Variants in LRRC8D observed in about 807,000 individuals in gnomAD.
LRRC8D encodes the protein leucine rich repeat containing 8 VRAC subunit D.
Under a neutral mutation model 55.8 loss-of-function variants are expected in LRRC8D, and 20 were observed. The observed-to-expected ratio is 0.36, with a 90% CI of 0.25 to 0.52. LRRC8D has a LOEUF of 0.52. Ranked by LOEUF, LRRC8D falls within the 20% of genes least tolerant of loss-of-function variation. The probability of loss-of-function intolerance (pLI) is 0.93; values close to 1 mark genes in which losing one functional copy is unlikely to be tolerated. For missense variants in LRRC8D, 651 were observed against 1,030.8 expected, an observed-to-expected ratio of 0.63 and a Z score of 5.05; for synonymous variants, 352 against 377.0, an observed-to-expected ratio of 0.93 and a Z score of 0.77.
intron 2 of LRRC8D, among the ~76,000 whole-genome samples, chr1:89,864,264 T>C (rs1229707673): frequency 6.6e-6 from 1 of 152,052 alleles, no homozygotes; most frequent in East Asian, 1.9e-4. Context: ...TTTTTTGTTT[T>C]GAAAAAACTG....
chr1:89,843,359 C>G (rs1308503935), intron 1 of LRRC8D: 6 of 267,152 alleles, frequency 2.2e-5, no homozygotes, highest in South Asian at 1.6e-4. Flanking sequence ...ACCCGAGCAG[C>G]AGCTGCAAAC....
intron 1 of LRRC8D, among the ~76,000 whole-genome samples, chr1:89,842,542 A>C (rs10922733): frequency 0.62 from 94,327 of 152,116 alleles, 29,307 homozygotes; most frequent in South Asian, 0.72. Context: ...TGTTTGTATT[A>C]CATTCTCCAT....
chr1:89,933,120 C>G lies in LRRC8D; in HGVS notation c.52C>G (p.Arg18Gly). The change falls in exon 3 of 3, where the codon CGA (arginine) becomes GGA (glycine). Residue 18 changes from arginine to glycine, a missense_variant. Coordinates refer to ENST00000337338, the MANE Select transcript of LRRC8D (RefSeq NM_001134479.2). The surrounding 1 kb of genome is among the most constrained non-coding windows in gnomAD (Gnocchi z 7.0). The part of the protein sequence containing the change: ...ASLNDIQPTY[R>G]ILKPWWDVFM... The stretch of plus-strand genomic sequence containing the variant: ...ACTTAATGACATTCAGCCAACTTAC[C>G]GAATCCTGAAACCATGGTGGGATGT... 3.1e-6 allele frequency: 5 copies of G among 1,613,266 alleles called. No individual in the cohort carries two copies. Among genetic ancestry groups the G allele is most frequent in the Non-Finnish European group, 4.2e-6 (5 of 1,179,322 alleles).
Position 89,933,088 on chromosome 1 carries a change from T to C in LRRC8D, c.20T>C (p.Val7Ala). ...CTAGGAATGTTTACCCTTGCGGAAG[T>C]TGCATCACTTAATGACATTCAGCCA... MFTLAE[V>A]ASLNDIQPTY... Residue 7 changes from valine (V) to alanine (A), a missense_variant, in exon 3 of 3, where the codon GTT becomes GCT. Val to Ala is a moderately conservative substitution (Grantham distance 64, BLOSUM62 0). Coordinates refer to ENST00000337338, the MANE Select transcript of LRRC8D (RefSeq NM_001134479.2). The surrounding 1 kb of genome is among the most constrained non-coding windows in gnomAD (Gnocchi z 7.0). The C allele has an allele frequency of 6.2e-7, 1 of 1,607,566 alleles. No individual in the cohort carries two copies. The highest frequency in any genetic ancestry group is 1.1e-5 in the South Asian group (1 of 90,946).
At chr1:89,895,078 C>T (rs1439112348) in intron 2 of LRRC8D, among the ~76,000 whole-genome samples, 1 of 148,316 alleles carries the variant, frequency 6.7e-6, no homozygotes, top group African/African-American at 2.5e-5. Flanking sequence ...TTAACTGACT[C>T]CTGTACTTGC....
At chr1:89,895,988 C>T (rs1317604794) in intron 2 of LRRC8D, among the ~76,000 whole-genome samples, 1 of 152,158 alleles carries the variant, frequency 6.6e-6, no homozygotes, top group Non-Finnish European at 1.5e-5. Context: ...GACAGGCAAG[C>T]GTTAGAACCT....
chr1:89,836,646 C>T (rs1661010877), intron 1 of LRRC8D, among the ~76,000 whole-genome samples: 1 of 152,202 alleles, frequency 6.6e-6, no homozygotes, highest in South Asian at 2.1e-4. Flanking sequence ...GAAGTCTTAA[C>T]ATTTTAAACA....
chr1:89,825,739 G>A (rs893285937), intron 1 of LRRC8D, among the ~76,000 whole-genome samples: 1 of 152,154 alleles, frequency 6.6e-6, no homozygotes, highest in Non-Finnish European at 1.5e-5. Context: ...AAGACATTAG[G>A]AAATTACCAT....
chr1:89,927,972 G>A (rs927043550), intron 2 of LRRC8D, among the ~76,000 whole-genome samples: 4 of 152,206 alleles, frequency 2.6e-5, no homozygotes, highest in African/African-American at 9.7e-5. Context: ...TTCTTCAAGG[G>A]TGAGAGTAGG....
At chr1:89,926,449 T>G (rs1663567884) in intron 2 of LRRC8D, among the ~76,000 whole-genome samples, 1 of 152,246 alleles carries the variant, frequency 6.6e-6, no homozygotes, top group South Asian at 2.1e-4. Flanking sequence ...GTAGCTTTCT[T>G]GAATTCCTAG....
intron 2 of LRRC8D, among the ~76,000 whole-genome samples, chr1:89,932,806 AGTAACCACTATG>A (rs1663746532): frequency 6.6e-6 from 1 of 152,210 alleles, no homozygotes; most frequent in Non-Finnish European, 1.5e-5. Context: ...AGGTCCACTA[AGTAACCACTATG>A]GACTTGGTGC....
intron 2 of LRRC8D, among the ~76,000 whole-genome samples, chr1:89,883,382 G>C (rs1662332800): frequency 6.6e-6 from 1 of 152,162 alleles, no homozygotes; most frequent in Non-Finnish European, 1.5e-5. Flanking sequence ...GATTAAAATA[G>C]GATTTTATTT....
intron 2 of LRRC8D, among the ~76,000 whole-genome samples, chr1:89,845,998 C>T (rs1215945321): frequency 6.6e-6 from 1 of 152,134 alleles, no homozygotes; most frequent in African/African-American, 2.4e-5. Context: ...TCAGACTGGT[C>T]TAGAACTCCT....
At chr1:89,842,968 G>A (rs997282008) in intron 1 of LRRC8D, 2 of 152,038 alleles carry the variant, frequency 1.3e-5, no homozygotes, top group Non-Finnish European at 2.9e-5. Context: ...AGGAGGAACC[G>A]AGGATACTAT....
chr1:89,846,342 A>G (rs889112022), intron 2 of LRRC8D, among the ~76,000 whole-genome samples: 2 of 150,450 alleles, frequency 1.3e-5, no homozygotes, highest in African/African-American at 4.9e-5. Context: ...TCCTTTCAAC[A>G]GAGCTAAACT....
chr1:89,879,665 G>A (rs572056785), intron 2 of LRRC8D, among the ~76,000 whole-genome samples: 17 of 152,224 alleles, frequency 1.1e-4, no homozygotes, highest in African/African-American at 3.4e-4. Flanking sequence ...AGTAGACACC[G>A]TTGTTCTAAT....
intron 2 of LRRC8D, among the ~76,000 whole-genome samples, chr1:89,856,592 A>G (rs1346248630): frequency 6.6e-6 from 1 of 152,246 alleles, no homozygotes; most frequent in Non-Finnish European, 1.5e-5. Flanking sequence ...TCTTTCACAG[A>G]AAGATAGAAA....
At chr1:89,889,182 C>T (rs1662499746) in intron 2 of LRRC8D, among the ~76,000 whole-genome samples, 1 of 152,088 alleles carries the variant, frequency 6.6e-6, no homozygotes, top group African/African-American at 2.4e-5. Context: ...GGGTCTTACT[C>T]CCAGAAACCT....
chr1:89,843,759 G>C lies in LRRC8D; in HGVS notation c.-26G>C. Reference sequence around the variant, plus strand: ...CGCGTCCCCAGAGAGCGCCCTGAGAGAACAGGGTGGCCGCTTGGTCCAGGT... The same window carrying C: ...CGCGTCCCCAGAGAGCGCCCTGAGACAACAGGGTGGCCGCTTGGTCCAGGT... On this transcript the variant is annotated 5_prime_UTR_variant, in exon 2 of 3. Coordinates refer to ENST00000337338, the MANE Select transcript of LRRC8D (RefSeq NM_001134479.2). 1.4e-6 allele frequency: 1 copy of C among 694,700 alleles called. No individual in the cohort carries two copies. 43.0% of individuals were successfully genotyped at this position (694,700 alleles called of 1,614,324 possible).
Sources: allele counts gnomAD v4.1 joint callset (sites outside exome capture counted in the v4.1 genomes callset), GRCh38; gene constraint gnomAD v4.1.1; non-coding constraint Gnocchi (gnomAD v3.1); transcripts MANE v1.5; gene names NCBI Gene and HGNC (gene_info 2026-07-23, HGNC 2026-07-21).